The following ANGPT2 variants were observed in gnomAD, a reference collection of about 807,000 sequenced individuals.
The protein encoded by ANGPT2 is angiopoietin 2, also known as angiopoietin-2.
Under a neutral mutation model 62.9 loss-of-function variants are expected in ANGPT2, and 28 were observed. The ratio of observed to expected loss-of-function variants is 0.44; its 90% CI spans 0.33 to 0.61. The LOEUF (loss-of-function observed/expected upper bound fraction) is 0.61. Ranked by LOEUF, ANGPT2 falls within the 20% of genes least tolerant of loss-of-function variation. The pLI is 0.03. For missense variants in ANGPT2, 727 were observed against 594.9 expected (o/e 1.22, Z -2.31); for synonymous variants, 284 against 207.8 (o/e 1.37, Z -3.15).
chr8:6,524,861 T>G (rs145935401), intron 3 of ANGPT2, among the ~76,000 whole-genome samples: 1 of 152,344 alleles, frequency 6.6e-6, no homozygotes, highest in African/African-American at 2.4e-5. Context: ...AAGTCACCTT[T>G]GGTGTCACGA....
chr8:6,541,281 G>T (rs764002873), intron 1 of ANGPT2, among the ~76,000 whole-genome samples: 22 of 152,188 alleles, frequency 1.4e-4, no homozygotes, highest in Non-Finnish European at 3.2e-4. Context: ...CTTAGAGAAA[G>T]TCAGTGCCCA....
intron 1 of ANGPT2, among the ~76,000 whole-genome samples, chr8:6,559,509 A>G (rs1825183419): frequency 6.6e-6 from 1 of 152,152 alleles, no homozygotes; most frequent in Non-Finnish European, 1.5e-5. Flanking sequence ...TTAAAAAACA[A>G]ACAAACAAAA....
chr8:6,554,184 T>C (rs1438898584), intron 1 of ANGPT2, among the ~76,000 whole-genome samples: 1 of 150,900 alleles, frequency 6.6e-6, no homozygotes, highest in East Asian at 1.9e-4. Context: ...ACCACCTGGA[T>C]AGCCCACCTC....
Position 6,527,578 on chromosome 8 carries a change from T to C in ANGPT2, c.543A>G (p.Ile181Met). The stretch of plus-strand genomic sequence containing the variant: ...ACCTGTTCTTATCTTGCAATTTGTT[T>C]ATTTCACTGGTCTGGTCCAAAATCT... ...EKQILDQTSE[I>M]NKLQDKNSFL... Residue 181 changes from isoleucine (I) to methionine (M), a missense_variant, in exon 3 of 9, where the codon ATA becomes ATG. By Grantham distance (10) the Ile-to-Met change is conservative. Transcript: ENST00000629816. The C allele has an allele frequency of 6.2e-7, 1 of 1,614,018 alleles. No homozygotes were observed. The highest frequency in any genetic ancestry group is 1.1e-5 in the South Asian group (1 of 91,072).
At chr8:6,552,503 G>A (rs892389590) in intron 1 of ANGPT2, among the ~76,000 whole-genome samples, 1 of 152,168 alleles carries the variant, frequency 6.6e-6, no homozygotes, top group Admixed American at 6.5e-5. Context: ...ATAGAAGTTA[G>A]AACATTTAAC....
intron 1 of ANGPT2, among the ~76,000 whole-genome samples, chr8:6,537,238 A>C (rs891767195): frequency 7.2e-5 from 11 of 152,048 alleles, no homozygotes; most frequent in Admixed American, 3.9e-4. Flanking sequence ...CATGAGCGTG[A>C]TCTGTAGGCA....
At chr8:6,513,629 G>C (rs764886182) in intron 7 of ANGPT2, 49 bp downstream of exon 7, 19 of 1,552,568 alleles carry the variant, frequency 1.2e-5, no homozygotes, top group Non-Finnish European at 1.5e-5. Context: ...CACCGTGCCC[G>C]GCCACAAATC....
chr8:6,535,576 G>C (rs1006154609), intron 1 of ANGPT2, among the ~76,000 whole-genome samples: 32 of 152,130 alleles, frequency 2.1e-4, no homozygotes, highest in African/African-American at 7.2e-4. Flanking sequence ...TATACAGATA[G>C]GTATATAGCA....
intron 6 of ANGPT2, 63 bp from the exon 7 acceptor site, chr8:6,513,907 G>C: frequency 6.9e-7 from 1 of 1,440,432 alleles, no homozygotes; most frequent in Non-Finnish European, 9.5e-7. Flanking sequence ...ATTTGAAGTG[G>C]ATAGTCCGTC....
chr8:6,503,852 G>A (rs574924989), intron 8 of ANGPT2, among the ~76,000 whole-genome samples: 109 of 152,300 alleles, frequency 7.2e-4, no homozygotes, highest in African/African-American at 2.6e-3. Flanking sequence ...CTGTGGGAGT[G>A]AAGCCCCATC....
chr8:6,532,569 A>G (rs1279121744), intron 1 of ANGPT2, 82 bp from the exon 2 acceptor site: 5 of 794,440 alleles, frequency 6.3e-6, no homozygotes, highest in Non-Finnish European at 8.5e-6. Context: ...TCTCCTCCCT[A>G]TCTTTAAAAA....
In ANGPT2 at chr8:6,543,316, A is replaced by G. The variant is rs148465708; in HGVS notation, c.289-10829T>C. 4.3e-4 allele frequency among the ~76,000 whole-genome samples: 65 copies of G among 152,328 alleles called. 1 individual carries two copies. The highest frequency in any genetic ancestry group is 1.4e-3 in the African/African-American group (60 of 41,570). ...ACCCGCCGTCCGCAAATGTGTTTGT[A>G]CAGTTACTTTCTCAGTATGGGTGAT... On this transcript the variant is annotated intron_variant, in intron 1 of 8. Transcript: ENST00000629816.
chr8:6,517,932 A>T (rs1763991117), intron 5 of ANGPT2, among the ~76,000 whole-genome samples: 1 of 152,198 alleles, frequency 6.6e-6, no homozygotes, highest in Non-Finnish European at 1.5e-5. Context: ...GTGAAAGCTT[A>T]TTGTTCCCTG....
chr8:6,562,545 C>T lies in ANGPT2; in HGVS notation c.288+102G>A, dbSNP rs1473752146. ...GCTCTCCAGCTCTAATCCTCTTCAT[C>T]CTCCTTCTTTTTTTTTTTTTTTTTT... On this transcript the variant is annotated intron_variant, in intron 1 of 8. Coordinates refer to ENST00000629816, the MANE Select transcript of ANGPT2 (RefSeq NM_001118887.2). 30 of 168,636 alleles carry T rather than the reference C, an allele frequency of 1.8e-4. No homozygotes were observed. In the East Asian group the frequency reaches 2.0e-3, roughly 11 times the overall value. The allele number at this position is 168,636 out of a possible 1,614,324, so 10.4% of individuals were successfully genotyped here.
At position 6,532,425 on chromosome 8, in the gene ANGPT2, T is replaced by C; in HGVS notation, c.351A>G (p.Val117=). 1 of 1,614,168 alleles carries C rather than the reference T, an allele frequency of 6.2e-7. No individual in the cohort carries two copies. The highest frequency in any genetic ancestry group is 1.1e-5 in the South Asian group (1 of 91,072). The change falls in exon 2 of 9, where the codon GTA becomes GTG. Residue 117 remains valine, a synonymous_variant. Coordinates refer to ENST00000629816, the MANE Select transcript of ANGPT2 (RefSeq NM_001118887.2). ...KEMVEIQQNA[V]QNQTAVMIEI... The stretch of plus-strand genomic sequence containing the variant: ...CTATCATCACAGCCGTCTGGTTCTG[T>C]ACTGCATTCTGCTGTATCTCTACCA...
At chr8:6,519,795 C>G in intron 5 of ANGPT2, 69 bp downstream of exon 5, 3 of 1,562,640 alleles carry the variant, frequency 1.9e-6, no homozygotes, top group Admixed American at 1.7e-5. Flanking sequence ...CTTCTGCTCT[C>G]TGGTTCCTCA....
chr8:6,545,715 G>A (rs1045827936), intron 1 of ANGPT2, among the ~76,000 whole-genome samples: 2 of 152,168 alleles, frequency 1.3e-5, no homozygotes, highest in Non-Finnish European at 2.9e-5. Flanking sequence ...ATAAATAAAT[G>A]TCTGAGTCAT....
At position 6,516,361 on chromosome 8, in the gene ANGPT2, T is replaced by C. The variant is rs1490200375; in HGVS notation, c.928-1583A>G. Among the ~76,000 whole-genome samples the C allele has an allele frequency of 2.0e-5, 3 of 152,172 alleles. No homozygotes were observed. The East Asian group carries it at 5.8e-4, about 29-fold the overall frequency. On this transcript the variant is annotated intron_variant, in intron 5 of 8. Coordinates refer to ENST00000629816, the MANE Select transcript of ANGPT2 (RefSeq NM_001118887.2). The stretch of plus-strand genomic sequence containing the variant: ...TGCATTTTTGAAAGGAGAAAAGATT[T>C]AGCAAAGTTCGATTTTGATCAGTTA...
chr8:6,514,582 G>T, intron 6 of ANGPT2, 95 bp downstream of exon 6: 3 of 1,058,286 alleles, frequency 2.8e-6, no homozygotes, highest in Non-Finnish European at 2.9e-6. Context: ...AAAAGTCATT[G>T]GTTAGTTTGG....
Sources: gnomAD v4.1 joint callset for allele counts (sites outside exome capture counted in the v4.1 genomes callset) on GRCh38, gnomAD v4.1.1 for gene constraint, MANE v1.5 for transcripts, NCBI Gene and HGNC (gene_info 2026-07-23, HGNC 2026-07-21) for gene names.